The following RGS6 variants were observed in gnomAD, a reference collection of about 807,000 sequenced individuals.
RGS6 encodes regulator of G-protein signaling 6.
In RGS6, 30 loss-of-function variants were observed where a neutral mutation model predicts 78.5. That is an observed-to-expected ratio of 0.38 (90% CI 0.29 to 0.52). The LOEUF (loss-of-function observed/expected upper bound fraction) is 0.52, where lower values mean the gene tolerates loss of function less well. RGS6 is among the 20% of genes least tolerant of loss of function. RGS6 has a pLI of 0.85. For synonymous variants in RGS6, 206 were observed against 206.0 expected, an observed-to-expected ratio of 1.00 and a Z score of 0.00; for missense variants, 495 against 609.7, an observed-to-expected ratio of 0.81 and a Z score of 1.98.
At position 72,377,801 on chromosome 14, in the gene RGS6, G is replaced by A. The variant is rs181801330; in HGVS notation, c.184+25607G>A. ...GAGACCAGCCTGGACAACATAGTGA[G>A]GCTTTGTCTCTACAAAAGATTAAAA... On this transcript the variant is annotated intron_variant, in intron 3 of 17. Coordinates refer to ENST00000553525, the MANE Select transcript of RGS6 (RefSeq NM_001204424.2). Among the ~76,000 whole-genome samples, 456 of 152,162 alleles carry A rather than the reference G, an allele frequency of 3.0e-3. 1 individual carries two copies. The highest frequency in any genetic ancestry group is 4.5e-3 in the Non-Finnish European group (303 of 68,010).
chr14:72,513,667 C>T (rs2096906288), intron 14 of RGS6, among the ~76,000 whole-genome samples: 1 of 152,172 alleles, frequency 6.6e-6, no homozygotes, highest in African/African-American at 2.4e-5. Flanking sequence ...GTGCATTTTC[C>T]CAGAATAATG....
intron 17 of RGS6, among the ~76,000 whole-genome samples, chr14:72,555,331 C>A (rs1353408880): frequency 6.6e-6 from 1 of 152,206 alleles, no homozygotes; most frequent in Non-Finnish European, 1.5e-5. Flanking sequence ...GTGACCTGCA[C>A]CCCAGCTCAA....
chr14:72,056,453 G>A (rs1017424007), intron 2 of RGS6, among the ~76,000 whole-genome samples: 1 of 152,044 alleles, frequency 6.6e-6, no homozygotes, highest in Non-Finnish European at 1.5e-5. Flanking sequence ...GAGTCTTCAG[G>A]TGTGTTACAC....
chr14:71,922,311 A>G, the RGS6 span, among the ~76,000 whole-genome samples: 3 of 152,284 alleles, frequency 2.0e-5, no homozygotes, highest in African/African-American at 7.2e-5. Context: ...TTTTTCCTCT[A>G]TCAGTGTAAC....
At chr14:72,575,659 GAGA>G in the RGS6 span, among the ~76,000 whole-genome samples, 2 of 152,198 alleles carry the variant, frequency 1.3e-5, no homozygotes, top group Non-Finnish European at 2.9e-5. Flanking sequence ...ATAGCTAAAA[GAGA>G]AGGTTTTGAA....
At chr14:72,192,299 A>G (rs746132474) in intron 2 of RGS6, among the ~76,000 whole-genome samples, 20 of 152,236 alleles carry the variant, frequency 1.3e-4, no homozygotes, top group Non-Finnish European at 2.9e-4. Context: ...AGATTAGGTT[A>G]TATCGTTATC....
At chr14:72,143,391 C>G (rs933292356) in intron 2 of RGS6, among the ~76,000 whole-genome samples, 1 of 151,908 alleles carries the variant, frequency 6.6e-6, no homozygotes, top group Non-Finnish European at 1.5e-5. Flanking sequence ...ACACAAAAAA[C>G]TGTCTTTTTC....
intron 17 of RGS6, among the ~76,000 whole-genome samples, chr14:72,555,730 T>A (rs2153541218): frequency 6.6e-6 from 1 of 152,338 alleles, no homozygotes; most frequent in Non-Finnish European, 1.5e-5. Flanking sequence ...TCTGTTTCCT[T>A]GTTCGTTTAG....
intron 2 of RGS6, among the ~76,000 whole-genome samples, chr14:72,090,848 G>A (rs370464284): frequency 1.3e-3 from 191 of 152,186 alleles, no homozygotes; most frequent in Non-Finnish European, 2.5e-3. Context: ...TGGGATTGGC[G>A]CAGGCTCCTG....
At chr14:71,984,928 A>C (rs1035826883) in intron 2 of RGS6, among the ~76,000 whole-genome samples, 2 of 152,178 alleles carry the variant, frequency 1.3e-5, no homozygotes, top group Admixed American at 1.3e-4. Flanking sequence ...AAAATCTCAC[A>C]TATTCCTATC....
At chr14:72,034,430 T>C (rs1268577730) in intron 2 of RGS6, among the ~76,000 whole-genome samples, 1 of 151,454 alleles carries the variant, frequency 6.6e-6, no homozygotes, top group Non-Finnish European at 1.5e-5. Flanking sequence ...ACCAATTCAG[T>C]CATGTGGTTT....
chr14:72,537,344 C>T (rs900212090), intron 16 of RGS6, among the ~76,000 whole-genome samples: 3 of 152,214 alleles, frequency 2.0e-5, no homozygotes, highest in Non-Finnish European at 4.4e-5. Context: ...AGGATCCTGT[C>T]TGCGTATCTG....
At chr14:72,410,210 T>C (rs1302942416) in intron 3 of RGS6, among the ~76,000 whole-genome samples, 2 of 152,176 alleles carry the variant, frequency 1.3e-5, no homozygotes, top group African/African-American at 4.8e-5. Context: ...TTTCTCCACA[T>C]CCTCTCCAGC....
intron 6 of RGS6, among the ~76,000 whole-genome samples, chr14:72,463,396 C>T (rs1398044792): frequency 6.6e-6 from 1 of 152,166 alleles, no homozygotes; most frequent in Non-Finnish European, 1.5e-5. Context: ...CCAAGAACAG[C>T]CACATCCCAC....
intron 3 of RGS6, among the ~76,000 whole-genome samples, chr14:72,357,033 G>A (rs1315127676): frequency 6.6e-6 from 1 of 152,208 alleles, no homozygotes; most frequent in African/African-American, 2.4e-5. Context: ...CACTTTGGGA[G>A]GCCATGGCAG....
chr14:72,433,455 C>T (rs964207381), intron 3 of RGS6, among the ~76,000 whole-genome samples: 2 of 151,500 alleles, frequency 1.3e-5, no homozygotes, highest in East Asian at 1.9e-4. Flanking sequence ...ACCTAAGTAA[C>T]GAAACTGCAC....
intron 13 of RGS6, 74 bp from the exon 14 acceptor site, chr14:72,510,080 G>A: frequency 6.7e-7 from 1 of 1,483,034 alleles, no homozygotes; most frequent in Admixed American, 2.4e-5. Context: ...ACAGACTTGA[G>A]TCACTGAAGA....
At chr14:71,960,076 G>C (rs10134883) in intron 1 of RGS6, among the ~76,000 whole-genome samples, 2,657 of 152,282 alleles carry the variant, frequency 0.017, 78 homozygotes, top group African/African-American at 0.059. Flanking sequence ...TTGTTCCAGA[G>C]GGGCTGGCAT....
chr14:72,201,314 C>A (rs966468571), intron 2 of RGS6, among the ~76,000 whole-genome samples: 3 of 152,260 alleles, frequency 2.0e-5, no homozygotes, highest in Admixed American at 2.0e-4. Context: ...ATTTATTGGG[C>A]ACCTACTATA....
Sources: gnomAD v4.1 joint callset for allele counts (sites outside exome capture counted in the v4.1 genomes callset) on GRCh38, gnomAD v4.1.1 for gene constraint, MANE v1.5 for transcripts, NCBI Gene and HGNC (gene_info 2026-07-23, HGNC 2026-07-21) for gene names.